The following ICA1 variants were observed in gnomAD, a reference collection of about 807,000 sequenced individuals.
ICA1 encodes 69 kDa islet cell autoantigen.
A neutral mutation model predicts 71.0 loss-of-function variants in ICA1; 40 were observed. The observed-to-expected ratio is 0.56, with a 90% CI of 0.44 to 0.73. ICA1 has a LOEUF of 0.73. ICA1 is among the 30% of genes least tolerant of loss of function. The pLI, the probability that ICA1 is intolerant of heterozygous loss-of-function variation, is 0.00. For missense variants in ICA1, 578 were observed against 576.5 expected, an observed-to-expected ratio of 1.00 and a Z score of -0.03; for synonymous variants, 207 against 209.5, an observed-to-expected ratio of 0.99 and a Z score of 0.10.
intron 12 of ICA1, among the ~76,000 whole-genome samples, chr7:8,137,937 G>A (rs554247630): frequency 8.5e-5 from 13 of 152,276 alleles, no homozygotes; most frequent in African/African-American, 2.9e-4. Flanking sequence ...ACTGGGGCCT[G>A]CAGGATAACT....
At chr7:8,224,278 C>A (rs1457993678) in intron 4 of ICA1, among the ~76,000 whole-genome samples, 1 of 152,036 alleles carries the variant, frequency 6.6e-6, no homozygotes, top group African/African-American at 2.4e-5. Context: ...CAGGGACCTT[C>A]CAGGCAGCAG....
intron 1 of ICA1, among the ~76,000 whole-genome samples, chr7:8,252,589 C>T (rs1346020265): frequency 2.0e-5 from 3 of 151,954 alleles, no homozygotes; most frequent in Non-Finnish European, 4.4e-5. Context: ...ATGTAAAATT[C>T]ACACTGGATT....
intron 12 of ICA1, among the ~76,000 whole-genome samples, chr7:8,134,767 T>G (rs1323926115): frequency 6.6e-6 from 1 of 151,978 alleles, no homozygotes; most frequent in African/African-American, 2.4e-5. Flanking sequence ...AGAACTTCGC[T>G]CTGATGAAAA....
At chr7:8,172,346 A>G (rs1808682705) in intron 6 of ICA1, among the ~76,000 whole-genome samples, 1 of 152,134 alleles carries the variant, frequency 6.6e-6, no homozygotes, top group Non-Finnish European at 1.5e-5. Context: ...TTCTGGTAAT[A>G]GTCCTTGTGC....
At chr7:8,134,482 G>A (rs921853246) in intron 12 of ICA1, among the ~76,000 whole-genome samples, 7 of 152,134 alleles carry the variant, frequency 4.6e-5, no homozygotes, top group African/African-American at 1.7e-4. Context: ...GCAGATAAAT[G>A]TCACTTAATT....
intron 8 of ICA1, among the ~76,000 whole-genome samples, chr7:8,154,440 G>A (rs375323092): frequency 6.6e-6 from 1 of 152,110 alleles, no homozygotes; most frequent in South Asian, 2.1e-4. Context: ...AAATACAGCT[G>A]CAATGGCACA....
chr7:8,170,309 G>A (rs1317158590), intron 6 of ICA1, among the ~76,000 whole-genome samples: 1 of 151,880 alleles, frequency 6.6e-6, no homozygotes, highest in Non-Finnish European at 1.5e-5. Context: ...GTTTGAAATT[G>A]TTTTGCCCAT....
intron 1 of ICA1, among the ~76,000 whole-genome samples, chr7:8,252,433 C>T (rs1419182378): frequency 6.6e-6 from 1 of 152,026 alleles, no homozygotes; most frequent in African/African-American, 2.4e-5. Context: ...AAGAATTGCA[C>T]CAACTTAAAT....
intron 6 of ICA1, among the ~76,000 whole-genome samples, chr7:8,200,937 G>A (rs1420115931): frequency 2.0e-5 from 3 of 152,162 alleles, no homozygotes; most frequent in Non-Finnish European, 4.4e-5. Context: ...TTTCATGTCT[G>A]ATCTACTTTT....
At chr7:8,196,539 A>T (rs917912364) in intron 6 of ICA1, among the ~76,000 whole-genome samples, 12 of 152,180 alleles carry the variant, frequency 7.9e-5, no homozygotes, top group African/African-American at 2.9e-4. Flanking sequence ...TGGCTCATTA[A>T]TTGCAAAAAA....
At chr7:8,203,212 G>C (rs1252786485) in intron 6 of ICA1, among the ~76,000 whole-genome samples, 1 of 144,352 alleles carries the variant, frequency 6.9e-6, no homozygotes, top group Non-Finnish European at 1.5e-5. Flanking sequence ...AAATTTCTAG[G>C]CTCTAAGCCT....
chr7:8,138,931 G>T (rs747836254), intron 11 of ICA1, 50 bp from the exon 12 acceptor site: 19 of 1,593,556 alleles, frequency 1.2e-5, no homozygotes, highest in Admixed American at 1.7e-5. Context: ...TTCATTTTGT[G>T]AGGAGTTTGA....
chr7:8,222,875 C>CAAG lies in ICA1; in HGVS notation c.257-1478_257-1477insCTT, dbSNP rs1797547756. 6.6e-6 allele frequency among the ~76,000 whole-genome samples: 1 copy of CAAG among 152,170 alleles called. No individual in the cohort carries two copies. The highest frequency in any genetic ancestry group is 1.5e-5 in the Non-Finnish European group (1 of 68,020). On this transcript the variant is annotated intron_variant, in intron 4 of 13. Transcript: ENST00000402384. The surrounding 1 kb of genome is among the most constrained non-coding windows in gnomAD (Gnocchi z 4.8). Reference sequence around the variant, plus strand: ...GTGTGACTGGGCATGTGTCTCTCTTCCCCAGGGGGCTCTAAGCTTTCCAAG... The same window carrying CAAG: ...GTGTGACTGGGCATGTGTCTCTCTTCAAGCCCAGGGGGCTCTAAGCTTTCCAAG...
chr7:8,151,431 A>T (rs1263607538), intron 8 of ICA1, among the ~76,000 whole-genome samples: 1 of 152,160 alleles, frequency 6.6e-6, no homozygotes, highest in Non-Finnish European at 1.5e-5. Flanking sequence ...GGTGACCTGG[A>T]TGCATCCCAA....
chr7:8,213,235 A>G (rs1794391916), intron 6 of ICA1, among the ~76,000 whole-genome samples: 1 of 152,236 alleles, frequency 6.6e-6, no homozygotes, highest in South Asian at 2.1e-4. Flanking sequence ...AATCCACTGT[A>G]TAGAATTCTA....
At chr7:8,214,315 C>A (rs1794728421) in intron 6 of ICA1, among the ~76,000 whole-genome samples, 1 of 152,220 alleles carries the variant, frequency 6.6e-6, no homozygotes, top group African/African-American at 2.4e-5. Flanking sequence ...TAATCTGCTA[C>A]AAGAAGCTGA....
chr7:8,176,689 C>T (rs1373481199), intron 6 of ICA1, among the ~76,000 whole-genome samples: 2 of 152,216 alleles, frequency 1.3e-5, no homozygotes, highest in African/African-American at 4.8e-5. Context: ...CAACAGGGCA[C>T]AACATGCTCT....
At chr7:8,258,869 C>A (rs1364384096) in intron 1 of ICA1, among the ~76,000 whole-genome samples, 1 of 152,202 alleles carries the variant, frequency 6.6e-6, no homozygotes, top group African/African-American at 2.4e-5. Flanking sequence ...CTATCCAGGG[C>A]AAATCATGCC....
intron 13 of ICA1, among the ~76,000 whole-genome samples, chr7:8,122,490 G>T (rs1787371944): frequency 1.3e-5 from 2 of 152,252 alleles, no homozygotes. Context: ...ACCTGCAAAT[G>T]CTCCTCAGCA....
Sources: gnomAD v4.1 joint callset for allele counts (sites outside exome capture counted in the v4.1 genomes callset) on GRCh38, gnomAD v4.1.1 for gene constraint, Gnocchi (gnomAD v3.1) non-coding constraint, MANE v1.5 for transcripts, NCBI Gene and HGNC (gene_info 2026-07-23, HGNC 2026-07-21) for gene names.